Variants in DMD observed in about 807,000 individuals in gnomAD.
DMD encodes the protein dystrophin, also known as mutant dystrophin.
Under a neutral mutation model 330.1 loss-of-function variants are expected in DMD, and 63 were observed. The ratio of observed to expected loss-of-function variants is 0.19; its 90% CI spans 0.16 to 0.24. The LOEUF is 0.24. Ranked by LOEUF, DMD falls within the 10% of genes least tolerant of loss-of-function variation. The pLI is 1.00. For synonymous variants in DMD, 1,223 were observed against 959.8 expected, an observed-to-expected ratio of 1.27 and a Z score of -5.07; for missense variants, 3,344 against 2,684.1, an observed-to-expected ratio of 1.25 and a Z score of -5.43.
At chrX:31,612,129 C>T (rs2077957733) in intron 55 of DMD, among the ~76,000 whole-genome samples, 1 of 110,941 alleles carries the variant, frequency 9.0e-6, no homozygotes. Context: ...ACAATAAGCC[C>T]TCATTCTCTT....
intron 60 of DMD, among the ~76,000 whole-genome samples, chrX:31,403,780 T>C (rs1351675017): frequency 8.9e-6 from 1 of 111,739 alleles, no homozygotes; most frequent in East Asian, 2.8e-4. Context: ...CCTATGTTCA[T>C]TGCCTAAAAT....
chrX:31,152,472 T>C (rs1481085235), intron 74 of DMD, among the ~76,000 whole-genome samples: 2 of 111,938 alleles, frequency 1.8e-5, no homozygotes, highest in Admixed American at 9.4e-5. Flanking sequence ...TCTGAGCATC[T>C]TAAATGTAAG....
chrX:32,605,817 A>C (rs921737679), intron 12 of DMD, among the ~76,000 whole-genome samples: 2 of 110,855 alleles, frequency 1.8e-5, no homozygotes, highest in Non-Finnish European at 3.8e-5. Flanking sequence ...TAATCATCAG[A>C]GAAATGCAAA....
chrX:31,393,621 T>G (rs764132886), intron 60 of DMD, among the ~76,000 whole-genome samples: 10 of 111,351 alleles, frequency 9.0e-5, no homozygotes, highest in Non-Finnish European at 1.7e-4. Context: ...AATTATTGAA[T>G]ACCAACTATA....
At chrX:32,444,054 G>A (rs73619087) in intron 27 of DMD, among the ~76,000 whole-genome samples, 8,527 of 110,360 alleles carry the variant, frequency 0.077, 784 homozygotes, top group African/African-American at 0.26. Context: ...AAATACTGGC[G>A]TATCAGAACA....
intron 59 of DMD, among the ~76,000 whole-genome samples, chrX:31,464,963 G>A (rs973676697): frequency 8.9e-6 from 1 of 112,459 alleles, no homozygotes; most frequent in African/African-American, 3.2e-5. Flanking sequence ...GAATAGCATG[G>A]TAAACGAAGG....
At chrX:32,503,656 A>C (rs1206733291) in intron 18 of DMD, among the ~76,000 whole-genome samples, 3 of 110,774 alleles carry the variant, frequency 2.7e-5, no homozygotes, top group Non-Finnish European at 3.8e-5. Flanking sequence ...CCCGGGTTCA[A>C]GCAACTCTCC....
intron 55 of DMD, among the ~76,000 whole-genome samples, chrX:31,550,220 C>T (rs1320282496): frequency 8.9e-6 from 1 of 111,792 alleles, no homozygotes; most frequent in East Asian, 2.8e-4. Context: ...AAATGTGCCA[C>T]ACTTAGGCCA....
intron 43 of DMD, among the ~76,000 whole-genome samples, chrX:32,225,874 T>C (rs772300502): frequency 3.1e-4 from 34 of 111,474 alleles, no homozygotes; most frequent in East Asian, 2.8e-3. Flanking sequence ...CAATTAAACC[T>C]CTTTACTTTA....
chrX:31,287,448 C>T (rs956900214), intron 62 of DMD, among the ~76,000 whole-genome samples: 1 of 112,375 alleles, frequency 8.9e-6, no homozygotes, highest in African/African-American at 3.2e-5. Context: ...AAAAGTAGCA[C>T]GCGTTAGCAC....
In DMD at chrX:31,927,481, G is replaced by T. The variant is rs187756316; in HGVS notation, c.6912+2115C>A. ...ACTGAGATATTGTAGAACATTTTGG[G>T]TATCCTTCCTCCTTGTTCTCTTTTT... On this transcript the variant is annotated intron_variant, in intron 47 of 78. Coordinates refer to ENST00000357033, the MANE Select transcript of DMD (RefSeq NM_004006.3). 6.9e-3 allele frequency among the ~76,000 whole-genome samples: 768 copies of T among 111,295 alleles called. 11 individuals carry two copies. The highest frequency in any genetic ancestry group is 0.024 in the African/African-American group (741 of 30,670).
intron 52 of DMD, among the ~76,000 whole-genome samples, chrX:31,721,714 CTCTCTATATATA>C (rs1427728905): frequency 1.9e-3 from 116 of 60,703 alleles, no homozygotes; most frequent in Non-Finnish European, 2.4e-3. Context: ...CTCTCTCTCT[CTCTCTATATATA>C]TATATATATA....
At chrX:32,911,922 G>T (rs2149338478) in intron 2 of DMD, among the ~76,000 whole-genome samples, 1 of 110,466 alleles carries the variant, frequency 9.1e-6, no homozygotes, top group South Asian at 3.9e-4. Flanking sequence ...GAGTTGACAA[G>T]CTGTGGAGGA....
At chrX:31,909,081 A>G (rs1440938412) in intron 47 of DMD, among the ~76,000 whole-genome samples, 1 of 112,515 alleles carries the variant, frequency 8.9e-6, no homozygotes, top group African/African-American at 3.2e-5. Flanking sequence ...TCATTAATTG[A>G]CTAAAAAATC....
intron 67 of DMD, among the ~76,000 whole-genome samples, chrX:31,202,586 C>T (rs2043601386): frequency 8.9e-6 from 1 of 111,973 alleles, no homozygotes; most frequent in Non-Finnish European, 1.9e-5. Context: ...TAAATATTCA[C>T]AGTGATCTGC....
At chrX:32,882,694 T>A (rs753052587) in intron 2 of DMD, among the ~76,000 whole-genome samples, 49 of 112,544 alleles carry the variant, frequency 4.4e-4, no homozygotes, top group Non-Finnish European at 7.9e-4. Context: ...AAAACTTTTT[T>A]AAAAATTCTA....
At chrX:31,339,351 T>C (rs1569528818) in intron 61 of DMD, among the ~76,000 whole-genome samples, 1 of 111,459 alleles carries the variant, frequency 9.0e-6, no homozygotes, top group East Asian at 2.8e-4. Flanking sequence ...TTTATGGGCA[T>C]TGGAAAGGCT....
intron 64 of DMD, 149 bp downstream of exon 64, chrX:31,222,898 G>C (rs1305443171): frequency 1.9e-6 from 1 of 516,663 alleles, no homozygotes; most frequent in African/African-American, 2.3e-5. Context: ...CAAACTCTAG[G>C]CCAAGGATAC....
chrX:32,551,404 A>C (rs1397724805), intron 16 of DMD, among the ~76,000 whole-genome samples: 1 of 111,812 alleles, frequency 8.9e-6, no homozygotes, highest in Non-Finnish European at 1.9e-5. Flanking sequence ...TCATTTCAGT[A>C]GATATAGAAA....
Sources: gnomAD v4.1 joint callset for allele counts (sites outside exome capture counted in the v4.1 genomes callset) on GRCh38, gnomAD v4.1.1 for gene constraint, MANE v1.5 for transcripts, NCBI Gene and HGNC (gene_info 2026-07-23, HGNC 2026-07-21) for gene names.